PVT1: variants seen among roughly 807,000 people sequenced by gnomAD.
PVT1 encodes the protein Pvt1 oncogene, also known as CXCR4/PVT1 fusion.
intron 3 of PVT1, among the ~76,000 whole-genome samples, chr8:127,960,937 TG>T (rs71566655): frequency 0.27 from 6,056 of 22,058 alleles, 260 homozygotes; most frequent in Middle Eastern, 0.42. Context: ...TGTGTGTGTT[TG>T]GGGGTGGGGG....
chr8:127,931,541 T>C (rs1677471969), intron 3 of PVT1, among the ~76,000 whole-genome samples: 1 of 152,216 alleles, frequency 6.6e-6, no homozygotes, highest in African/African-American at 2.4e-5. Context: ...TCCGGTCAAA[T>C]AGTATCATTT....
intron 2 of PVT1, among the ~76,000 whole-genome samples, chr8:127,889,663 C>T (rs563116675): frequency 1.5e-4 from 23 of 152,192 alleles, no homozygotes; most frequent in African/African-American, 1.7e-4. Flanking sequence ...TAACTTAGAG[C>T]GGCGGATCAG....
chr8:128,087,722 C>T (rs1814276283), intron 5 of PVT1, among the ~76,000 whole-genome samples: 1 of 149,108 alleles, frequency 6.7e-6, no homozygotes, highest in African/African-American at 2.5e-5. Flanking sequence ...AACCCTCTAA[C>T]TCTGCTGACA....
At chr8:127,901,344 G>A (rs1815756129) in intron 3 of PVT1, among the ~76,000 whole-genome samples, 3 of 152,122 alleles carry the variant, frequency 2.0e-5, no homozygotes, top group South Asian at 2.1e-4. Context: ...GGGACCCAGA[G>A]TTACTGTAAC....
At chr8:127,974,616 G>A (rs558924253) in intron 3 of PVT1, among the ~76,000 whole-genome samples, 27 of 151,728 alleles carry the variant, frequency 1.8e-4, no homozygotes, top group South Asian at 1.0e-3. Context: ...GGGTTTTACC[G>A]TGTTGGCCAG....
intron 2 of PVT1, among the ~76,000 whole-genome samples, chr8:127,889,030 CT>C (rs1563631083): frequency 1.7e-4 from 15 of 90,258 alleles, no homozygotes; most frequent in African/African-American, 6.7e-4. Context: ...TTTCCTTTCT[CT>C]CTTTCTTTCT....
chr8:127,811,829 C>T (rs1001712231), intron 2 of PVT1, among the ~76,000 whole-genome samples: 8 of 152,110 alleles, frequency 5.3e-5, no homozygotes, highest in African/African-American at 9.7e-5. Flanking sequence ...CAGTGGTTTC[C>T]GGTAGCTCAC....
At position 127,893,928 on chromosome 8, in the gene PVT1, T is replaced by C. The variant is rs192033723; in HGVS notation, n.782+2930T>C. 1.1e-4 allele frequency among the ~76,000 whole-genome samples: 17 copies of C among 152,320 alleles called. No individual in the cohort carries two copies. In the East Asian group the frequency reaches 2.7e-3, roughly 24 times the overall value. On this transcript the variant is annotated intron_variant and non_coding_transcript_variant, in intron 3 of 10. Transcript: ENST00000651587. ...GGGTGCTGGTGCTGCTGGTGCATCA[T>C]GCATACAAGGCTGGCTCTCCCAGTT...
intron 3 of PVT1, among the ~76,000 whole-genome samples, chr8:127,988,082 C>G (rs1330563001): frequency 6.6e-6 from 1 of 152,220 alleles, no homozygotes; most frequent in South Asian, 2.1e-4. Flanking sequence ...AGGAATATGA[C>G]AACCAGAGTG....
intron 4 of PVT1, among the ~76,000 whole-genome samples, chr8:128,055,326 A>G (rs1473704560): frequency 6.6e-6 from 1 of 152,232 alleles, no homozygotes; most frequent in African/African-American, 2.4e-5. Flanking sequence ...AGATTTAGGT[A>G]TGACTCCAAG....
chr8:127,905,581 T>A (rs1232244324), intron 3 of PVT1, among the ~76,000 whole-genome samples: 1 of 152,238 alleles, frequency 6.6e-6, no homozygotes, highest in Non-Finnish European at 1.5e-5. Flanking sequence ...TGAATGTTTG[T>A]TGAGCACCTA....
At chr8:127,922,368 A>G (rs1261453505) in intron 3 of PVT1, among the ~76,000 whole-genome samples, 1 of 145,710 alleles carries the variant, frequency 6.9e-6, no homozygotes, top group Non-Finnish European at 1.5e-5. Context: ...GAAGTAGGTG[A>G]TGAAGCTTGA....
At chr8:127,820,268 T>C (rs1814714066) in intron 2 of PVT1, among the ~76,000 whole-genome samples, 1 of 152,138 alleles carries the variant, frequency 6.6e-6, no homozygotes, top group Admixed American at 6.5e-5. Flanking sequence ...AGGGCAAACA[T>C]ACACCCCTCC....
intron 3 of PVT1, among the ~76,000 whole-genome samples, chr8:127,915,286 TTA>T (rs1175817216): frequency 6.6e-6 from 1 of 152,052 alleles, no homozygotes; most frequent in African/African-American, 2.4e-5. Context: ...ATTAAAACAG[TTA>T]TGACATCACA....
intron 5 of PVT1, among the ~76,000 whole-genome samples, chr8:128,094,331 A>T (rs531091986): frequency 6.6e-6 from 1 of 152,368 alleles, no homozygotes; most frequent in South Asian, 2.1e-4. Context: ...ATGTTTAAAT[A>T]AAAAAATCAC....
intron 4 of PVT1, among the ~76,000 whole-genome samples, chr8:128,069,583 A>G (rs114274797): frequency 0.032 from 4,886 of 152,228 alleles, 256 homozygotes; most frequent in African/African-American, 0.11. Context: ...CCCATTTTAT[A>G]GAGGAGAGAG....
At chr8:127,797,723 C>G (rs1240762161) in intron 2 of PVT1, among the ~76,000 whole-genome samples, 3 of 152,178 alleles carry the variant, frequency 2.0e-5, no homozygotes, top group African/African-American at 7.2e-5. Flanking sequence ...ACCTTCTACT[C>G]CCTACAACTC....
chr8:127,818,570 G>A (rs192245380), intron 2 of PVT1, among the ~76,000 whole-genome samples: 227 of 152,192 alleles, frequency 1.5e-3, no homozygotes, highest in Admixed American at 2.7e-3. Context: ...TCAGATATTC[G>A]GTGAGAGACC....
chr8:128,074,678 G>A (rs919697663), intron 5 of PVT1, among the ~76,000 whole-genome samples: 3 of 152,178 alleles, frequency 2.0e-5, no homozygotes, highest in African/African-American at 7.2e-5. Flanking sequence ...AAAATAACTT[G>A]TTGAACTGTC....
Sources: allele counts gnomAD v4.1 joint callset (sites outside exome capture counted in the v4.1 genomes callset), GRCh38; gene constraint gnomAD v4.1.1; transcripts MANE v1.5; gene names NCBI Gene and HGNC (gene_info 2026-07-23, HGNC 2026-07-21).